The following CEP72 variants were observed in gnomAD, a reference collection of about 807,000 sequenced individuals.
CEP72 encodes the protein centrosomal protein of 72 kDa.
In CEP72, 78 loss-of-function variants were observed where a neutral mutation model predicts 65.7. The ratio of observed to expected loss-of-function variants is 1.19; its 90% confidence interval spans 0.99 to 1.43. The LOEUF (loss-of-function observed/expected upper bound fraction) is 1.43. Ranked by LOEUF, CEP72 falls within the 40% of genes most tolerant of loss-of-function variation. The probability of loss-of-function intolerance (pLI) is 0.00; values close to 1 mark genes in which losing one functional copy is unlikely to be tolerated. For missense variants in CEP72, 914 were observed against 832.9 expected (o/e 1.10, Z -1.20); for synonymous variants, 358 against 351.7 (o/e 1.02, Z -0.20).
At chr5:672,087 G>A (rs996387535), downstream of CEP72, among the ~76,000 whole-genome samples, 1 of 152,218 alleles carries the variant, frequency 6.6e-6, no homozygotes, top group Non-Finnish European at 1.5e-5. Flanking sequence ...TCCAAACCTG[G>A]GTCCTGCTCC....
At chr5:667,101 CAGTG>C (rs1739949317) in exon 5 of CEP72, 1 of 152,214 alleles carries the variant, frequency 6.6e-6, no homozygotes, top group Non-Finnish European at 1.5e-5. Flanking sequence ...TTCCAGAAGT[CAGTG>C]AGCAGAGGGC....
At chr5:658,459 C>T (rs1221955764), downstream of CEP72, among the ~76,000 whole-genome samples, 1 of 152,202 alleles carries the variant, frequency 6.6e-6, no homozygotes, top group East Asian at 1.9e-4. Flanking sequence ...GGCCATTCTT[C>T]ATATTCGTTA....
At chr5:616,880 G>A (rs554481666) in intron 1 of CEP72, among the ~76,000 whole-genome samples, 1 of 151,068 alleles carries the variant, frequency 6.6e-6, no homozygotes, top group African/African-American at 2.4e-5. Flanking sequence ...TGTGAAGAGA[G>A]TCTGTCCTGC....
intron 11 of CEP72, among the ~76,000 whole-genome samples, chr5:649,647 T>C (rs867815803): frequency 0.059 from 1,410 of 23,778 alleles, no homozygotes; most frequent in South Asian, 0.14. Context: ...GACTGTGAGG[T>C]GTGACTGTGA....
intron 1 of CEP72, among the ~76,000 whole-genome samples, chr5:616,165 A>T (rs1393882655): frequency 6.6e-6 from 1 of 151,642 alleles, no homozygotes; most frequent in African/African-American, 2.4e-5. Context: ...ATTTGAAAAA[A>T]TTTTTTCAGC....
chr5:643,091 G>A (rs1289734364), intron 9 of CEP72: 2 of 980,300 alleles, frequency 2.0e-6, no homozygotes, highest in Non-Finnish European at 2.4e-6. Flanking sequence ...GCACACTCCT[G>A]TCATCCCAGC....
chr5:637,928 C>G, intron 7 of CEP72, 110 bp downstream of exon 7: 7 of 1,077,040 alleles, frequency 6.5e-6, no homozygotes, highest in Non-Finnish European at 6.5e-6. Flanking sequence ...CTGTGTCCCT[C>G]CCTGATGCAG....
chr5:623,423 T>A lies in CEP72; in HGVS notation c.404-1048T>A, dbSNP rs1736529004. ...AGGAGGCAGATAGCAAGGGCCTGCGTGTGGGATGGAGGCGGCGTCTGGAGA... is the reference window on the plus strand; with the variant it reads ...AGGAGGCAGATAGCAAGGGCCTGCGAGTGGGATGGAGGCGGCGTCTGGAGA... On this transcript the variant is annotated intron_variant, in intron 3 of 11. Coordinates refer to ENST00000264935, the MANE Select transcript of CEP72 (RefSeq NM_018140.4). The surrounding 1 kb of genome is among the most constrained non-coding windows in gnomAD (Gnocchi z 5.3). Among the ~76,000 whole-genome samples, 1 of 152,090 alleles carries A rather than the reference T, an allele frequency of 6.6e-6. No homozygotes were observed.
chr5:644,456 A>C (rs779890462), intron 10 of CEP72, 31 bp downstream of exon 10: 2 of 1,611,022 alleles, frequency 1.2e-6, no homozygotes, highest in Admixed American at 3.3e-5. Flanking sequence ...GTCACTTTGT[A>C]AACTTTAGGT....
downstream of CEP72, chr5:657,204 TTCCTCG>T (rs1283141846): frequency 6.6e-6 from 1 of 152,226 alleles, no homozygotes; most frequent in Admixed American, 6.5e-5. Flanking sequence ...GGGCCCTGAT[TTCCTCG>T]TCTGTACAAT....
chr5:615,697 T>C (rs1735948746), intron 1 of CEP72, among the ~76,000 whole-genome samples: 1 of 152,212 alleles, frequency 6.6e-6, no homozygotes, highest in South Asian at 2.1e-4. Context: ...AGAACTTAAG[T>C]GTGCCATTTT....
rs748340474 is a variant in CEP72, at chr5:647,936, G to C, written c.1778+20G>C. Reference sequence around the variant, plus strand: ...CCACAGGTGCCTGCCCGTGAGACTTGGGTGGGCCCCCGAGGGGAGGAGGCC... The same window carrying C: ...CCACAGGTGCCTGCCCGTGAGACTTCGGTGGGCCCCCGAGGGGAGGAGGCC... On this transcript the variant is annotated intron_variant, in intron 11 of 11. Coordinates refer to ENST00000264935, the MANE Select transcript of CEP72 (RefSeq NM_018140.4). 1.9e-6 allele frequency: 3 copies of C among 1,584,746 alleles called. No individual in the cohort carries two copies. In the South Asian group the frequency reaches 3.4e-5, roughly 18 times the overall value.
intron 3 of CEP72, among the ~76,000 whole-genome samples, chr5:620,966 C>G (rs1736352242): frequency 6.6e-6 from 1 of 152,162 alleles, no homozygotes; most frequent in Non-Finnish European, 1.5e-5. Flanking sequence ...GTCACAGATC[C>G]AGGAGAGAAA....
At chr5:642,655 C>G in intron 9 of CEP72, 1 of 985,458 alleles carries the variant, frequency 1.0e-6, no homozygotes, top group Non-Finnish European at 1.2e-6. Flanking sequence ...CTGCAGTTTG[C>G]AGGCAGCCCT....
chr5:639,226 T>G lies in CEP72; in HGVS notation c.1342+2T>G, dbSNP rs1579990357. On this transcript the variant is annotated splice_donor_variant, in intron 8 of 11. Transcript: ENST00000264935. LOFTEE classifies it high-confidence loss of function. Reference sequence around the variant, plus strand: ...TGCACAGCAACGAGGCATTCCTTGGTGAGTCAGGGCGGCCACTGCTCTTGC... The same window carrying G: ...TGCACAGCAACGAGGCATTCCTTGGGGAGTCAGGGCGGCCACTGCTCTTGC... The G allele has an allele frequency of 6.4e-7, 1 of 1,568,694 alleles. No individual in the cohort carries two copies. The highest frequency in any genetic ancestry group is 1.8e-5 in the Admixed American group (1 of 55,678).
chr5:637,462 A>G (rs1435898667), intron 6 of CEP72, 55 bp from the exon 7 acceptor site: 3 of 1,524,046 alleles, frequency 2.0e-6, no homozygotes, highest in Admixed American at 1.8e-5. Flanking sequence ...ACAGTGCTGA[A>G]CACTGCACCC....
intron 11 of CEP72, among the ~76,000 whole-genome samples, chr5:649,771 TG>T (rs1233350729): frequency 3.0e-3 from 107 of 35,124 alleles, no homozygotes; most frequent in African/African-American, 7.0e-3. Flanking sequence ...CTGTGAGGCG[TG>T]GACTGTGAGG....
chr5:644,278 G>A (rs773927863), intron 9 of CEP72, 21 bp from the exon 10 acceptor site: 1 of 1,610,538 alleles, frequency 6.2e-7, no homozygotes, highest in Admixed American at 1.7e-5. Flanking sequence ...GTGCACTTAA[G>A]TGTATTTTCT....
intron 11 of CEP72, among the ~76,000 whole-genome samples, chr5:652,189 C>A (rs540131205): frequency 8.5e-4 from 130 of 152,308 alleles, no homozygotes; most frequent in Non-Finnish European, 1.5e-3. Flanking sequence ...TCTCCTTGAG[C>A]ACTGTGGCCT....
Sources: gnomAD v4.1 joint callset for allele counts (sites outside exome capture counted in the v4.1 genomes callset) on GRCh38, gnomAD v4.1.1 for gene constraint, Gnocchi (gnomAD v3.1) non-coding constraint, MANE v1.5 for transcripts, NCBI Gene and HGNC (gene_info 2026-07-23, HGNC 2026-07-21) for gene names.